NRG3: variants seen among roughly 807,000 people sequenced by gnomAD.
NRG3 encodes neuregulin 3.
A neutral mutation model predicts 66.9 loss-of-function variants in NRG3; 31 were observed. The observed-to-expected ratio is 0.46, with a 90% CI of 0.35 to 0.63. The LOEUF is 0.63. NRG3 is among the 20% of genes least tolerant of loss of function. The pLI, the probability that NRG3 is intolerant of heterozygous loss-of-function variation, is 0.00. For synonymous variants in NRG3, 393 were observed against 359.4 expected, an observed-to-expected ratio of 1.09 and a Z score of -1.06; for missense variants, 910 against 878.9, an observed-to-expected ratio of 1.04 and a Z score of -0.45.
intron 2 of NRG3, among the ~76,000 whole-genome samples, chr10:82,696,480 G>A (rs2055391710): frequency 6.6e-6 from 1 of 152,036 alleles, no homozygotes; most frequent in Non-Finnish European, 1.5e-5. Context: ...CAAGCACAGG[G>A]AAAGATGGTT....
At chr10:82,153,637 A>G (rs1361122180) in intron 1 of NRG3, among the ~76,000 whole-genome samples, 1 of 152,060 alleles carries the variant, frequency 6.6e-6, no homozygotes, top group Non-Finnish European at 1.5e-5. Context: ...GGGAACCACT[A>G]CACTGTTTTC....
intron 1 of NRG3, among the ~76,000 whole-genome samples, chr10:81,910,524 C>T (rs186230282): frequency 0.01 from 1,581 of 152,294 alleles, 33 homozygotes; most frequent in African/African-American, 0.036. Flanking sequence ...TATTTTTTAA[C>T]CTTAGTGATA....
intron 2 of NRG3, among the ~76,000 whole-genome samples, chr10:82,636,095 C>G (rs1234730675): frequency 1.3e-5 from 2 of 152,096 alleles, no homozygotes; most frequent in Non-Finnish European, 2.9e-5. Flanking sequence ...GAGAGCCATG[C>G]TTCTCTTTGG....
chr10:82,785,854 A>G (rs1448881812), intron 3 of NRG3, among the ~76,000 whole-genome samples: 2 of 152,194 alleles, frequency 1.3e-5, no homozygotes, highest in Non-Finnish European at 2.9e-5. Context: ...TAGTGTGACA[A>G]AGGTGTTTGC....
intron 2 of NRG3, among the ~76,000 whole-genome samples, chr10:82,492,653 GA>G (rs1843257572): frequency 6.6e-6 from 1 of 152,198 alleles, no homozygotes; most frequent in Admixed American, 6.5e-5. Flanking sequence ...CTGAAGCTCA[GA>G]AAGGAAAGTT....
chr10:82,479,632 C>G, intron 2 of NRG3, among the ~76,000 whole-genome samples: 1 of 137,292 alleles, frequency 7.3e-6, no homozygotes, highest in Middle Eastern at 4.0e-3. Flanking sequence ...CCATTGCACT[C>G]CAGCATGGAC....
At chr10:82,704,031 T>G (rs1179958216) in intron 2 of NRG3, among the ~76,000 whole-genome samples, 2 of 152,130 alleles carry the variant, frequency 1.3e-5, no homozygotes, top group Non-Finnish European at 1.5e-5. Flanking sequence ...AAAGAATCCT[T>G]TATCTTACCT....
At chr10:82,335,880 A>G (rs1395613606) in intron 1 of NRG3, among the ~76,000 whole-genome samples, 2 of 152,206 alleles carry the variant, frequency 1.3e-5, no homozygotes, top group African/African-American at 2.4e-5. Context: ...ATCTGTGAGA[A>G]AGCCACTTTC....
intron 1 of NRG3, among the ~76,000 whole-genome samples, chr10:82,011,326 C>A (rs2061565316): frequency 6.6e-6 from 1 of 152,032 alleles, no homozygotes; most frequent in Admixed American, 6.6e-5. Flanking sequence ...ATGAGGACAC[C>A]CACGCAGCGA....
At chr10:81,939,456 T>C (rs977610952) in intron 1 of NRG3, among the ~76,000 whole-genome samples, 3 of 152,066 alleles carry the variant, frequency 2.0e-5, no homozygotes, top group African/African-American at 7.2e-5. Flanking sequence ...TTACTAGTTA[T>C]AGAGCTGTTC....
chr10:82,963,122 C>G (rs1011655141), intron 6 of NRG3, among the ~76,000 whole-genome samples: 1 of 151,974 alleles, frequency 6.6e-6, no homozygotes, highest in South Asian at 2.1e-4. Context: ...GAATGGAAAA[C>G]GACTTCTGAA....
intron 2 of NRG3, among the ~76,000 whole-genome samples, chr10:82,710,586 CAAAAAAAAAAAA>C (rs59857324): frequency 1.2e-4 from 9 of 73,758 alleles, no homozygotes; most frequent in African/African-American, 2.2e-4. Context: ...GACTCCATCT[CAAAAAAAAAAAA>C]AAAAAAAAAA....
chr10:82,110,821 A>G (rs2067340779), intron 1 of NRG3, among the ~76,000 whole-genome samples: 1 of 152,100 alleles, frequency 6.6e-6, no homozygotes, highest in Non-Finnish European at 1.5e-5. Flanking sequence ...TTGAAATTCA[A>G]GGGAGATGTG....
At chr10:82,517,636 C>CT (rs377198621) in intron 2 of NRG3, among the ~76,000 whole-genome samples, 26 of 110,578 alleles carry the variant, frequency 2.4e-4, no homozygotes, top group African/African-American at 1.3e-3. Context: ...CCCGCCCCCC[C>CT]GTGTGTGTTT....
At chr10:82,602,301 G>A (rs893442337) in intron 2 of NRG3, among the ~76,000 whole-genome samples, 4 of 151,768 alleles carry the variant, frequency 2.6e-5, no homozygotes, top group African/African-American at 9.7e-5. Flanking sequence ...ATCATGTTCT[G>A]TATCCCATGC....
At chr10:82,768,351 G>T (rs1166410278) in intron 3 of NRG3, among the ~76,000 whole-genome samples, 2 of 152,044 alleles carry the variant, frequency 1.3e-5, no homozygotes, top group African/African-American at 4.8e-5. Flanking sequence ...CTCTTCCATG[G>T]ACATGTGGCC....
At chr10:82,278,486 T>C (rs1041290197) in intron 1 of NRG3, among the ~76,000 whole-genome samples, 1 of 152,098 alleles carries the variant, frequency 6.6e-6, no homozygotes, top group Non-Finnish European at 1.5e-5. Flanking sequence ...TTTCCTCTCT[T>C]CTGTTGAAAA....
chr10:82,682,164 G>A lies in NRG3; in HGVS notation c.954-56413G>A, dbSNP rs148704776. ...GAGGAAAACAAAGAGACTTTAAAGC[G>A]CTCTTCTCTTGAAGCACCATGTCCT... is the stretch of plus-strand genomic sequence containing the variant. On this transcript the variant is annotated intron_variant, in intron 2 of 8. Coordinates refer to ENST00000372141, the MANE Select transcript of NRG3 (RefSeq NM_001010848.4). Among the ~76,000 whole-genome samples the A allele has an allele frequency of 6.8e-3, 1,035 of 152,258 alleles. 9 individuals are homozygous for A. The highest frequency in any genetic ancestry group is 0.023 in the African/African-American group (968 of 41,542).
At chr10:81,980,888 A>G (rs1167893885) in intron 1 of NRG3, among the ~76,000 whole-genome samples, 2 of 152,124 alleles carry the variant, frequency 1.3e-5, no homozygotes, top group African/African-American at 2.4e-5. Context: ...TTGTGTGTCC[A>G]TATTTCTTAT....
Sources: allele counts gnomAD v4.1 joint callset (sites outside exome capture counted in the v4.1 genomes callset), GRCh38; gene constraint gnomAD v4.1.1; transcripts MANE v1.5; gene names NCBI Gene and HGNC (gene_info 2026-07-23, HGNC 2026-07-21).